The following PLXNA4 variants were observed in gnomAD, a reference collection of about 807,000 sequenced individuals.
PLXNA4 encodes the protein plexin-A4.
A neutral mutation model predicts 191.8 loss-of-function variants in PLXNA4; 44 were observed. The observed-to-expected ratio is 0.23, with a 90% confidence interval of 0.18 to 0.29. PLXNA4 has a LOEUF of 0.29. PLXNA4 is among the 10% of genes least tolerant of loss of function. PLXNA4 has a pLI of 1.00. For synonymous variants in PLXNA4, 1,082 were observed against 1,009.5 expected (o/e 1.07, Z -1.36); for missense variants, 1,800 against 2,488.8 (o/e 0.72, Z 5.89).
intron 21 of PLXNA4, among the ~76,000 whole-genome samples, chr7:132,172,620 C>T (rs574336761): frequency 6.6e-6 from 1 of 152,274 alleles, no homozygotes; most frequent in South Asian, 2.1e-4. Flanking sequence ...GATCCACACA[C>T]AATCCCTCGA....
rs11448338 is a variant in PLXNA4 at position 132,482,695 on chromosome 7, CT to C, written c.1371+6596del. ...GAGTGAGTGTGGGAGCTTCGAGAAACTTTTTTTTTTTTTTTGAGATGGAGTC... is the reference window on the plus strand; with the variant it reads ...GAGTGAGTGTGGGAGCTTCGAGAAACTTTTTTTTTTTTTTGAGATGGAGTC... On this transcript the variant is annotated intron_variant, in intron 3 of 31. Transcript: ENST00000321063. 1.3e-4 allele frequency among the ~76,000 whole-genome samples: 19 copies of C among 141,176 alleles called. 1 individual carries two copies. Among genetic ancestry groups the C allele is most frequent in the South Asian group, 4.6e-4 (2 of 4,366 alleles). 92.6% of individuals were successfully genotyped at this position (141,176 alleles called of 152,430 possible).
At chr7:132,290,492 T>A (rs1037432139) in intron 4 of PLXNA4, among the ~76,000 whole-genome samples, 2 of 152,214 alleles carry the variant, frequency 1.3e-5, no homozygotes, top group African/African-American at 4.8e-5. Flanking sequence ...CTCCTTCCCA[T>A]TGGCTTGGCA....
intron 3 of PLXNA4, among the ~76,000 whole-genome samples, chr7:132,351,786 G>T (rs890298900): frequency 6.6e-6 from 1 of 152,142 alleles, no homozygotes; most frequent in Non-Finnish European, 1.5e-5. Context: ...GAAGCAATGT[G>T]GGGGAAGATG....
intron 2 of PLXNA4, among the ~76,000 whole-genome samples, chr7:132,505,409 C>T (rs1798424946): frequency 6.6e-6 from 1 of 152,186 alleles, no homozygotes; most frequent in Admixed American, 6.5e-5. Flanking sequence ...CCCAAAAAGT[C>T]AGGGTTTTAA....
chr7:132,338,335 C>T (rs1802897061), intron 3 of PLXNA4, among the ~76,000 whole-genome samples: 1 of 152,178 alleles, frequency 6.6e-6, no homozygotes, highest in South Asian at 2.1e-4. Context: ...TGTCAGTGAG[C>T]TCCCCCAAAC....
intron 2 of PLXNA4, among the ~76,000 whole-genome samples, chr7:132,628,770 C>T (rs886375606): frequency 6.6e-6 from 1 of 152,120 alleles, no homozygotes; most frequent in South Asian, 2.1e-4. Context: ...CTCTGAAACT[C>T]CTTGTTTTAC....
chr7:132,616,215 G>A (rs1021196183), intron 2 of PLXNA4, among the ~76,000 whole-genome samples: 3 of 152,110 alleles, frequency 2.0e-5, no homozygotes, highest in Non-Finnish European at 4.4e-5. Context: ...TAAAAAGCAC[G>A]TTGCCTCTTC....
At chr7:132,496,874 C>T (rs550600032) in intron 2 of PLXNA4, among the ~76,000 whole-genome samples, 8 of 152,116 alleles carry the variant, frequency 5.3e-5, no homozygotes, top group Non-Finnish European at 7.4e-5. Context: ...TGGAAGCAAC[C>T]AACTCTCCCC....
intron 2 of PLXNA4, among the ~76,000 whole-genome samples, chr7:132,608,636 C>T (rs946374908): frequency 5.3e-5 from 8 of 152,144 alleles, no homozygotes; most frequent in Non-Finnish European, 1.5e-5. Flanking sequence ...CTCATGGAGA[C>T]TTCAATCCGT....
At chr7:132,148,969 T>C (rs1301846590) in intron 25 of PLXNA4, among the ~76,000 whole-genome samples, 1 of 152,116 alleles carries the variant, frequency 6.6e-6, no homozygotes, top group Non-Finnish European at 1.5e-5. Context: ...AAGAGGCACA[T>C]AATAAAACAC....
At chr7:132,483,128 C>T (rs1797405434) in intron 3 of PLXNA4, among the ~76,000 whole-genome samples, 1 of 152,226 alleles carries the variant, frequency 6.6e-6, no homozygotes, top group African/African-American at 2.4e-5. Context: ...CAAGTATGGA[C>T]TTTCAGCAGA....
intron 5 of PLXNA4, among the ~76,000 whole-genome samples, chr7:132,234,596 T>TTGTGTGTGTGTGTGTGTGTGTGTGTG (rs60249306): frequency 6.9e-6 from 1 of 144,158 alleles, no homozygotes; most frequent in East Asian, 2.1e-4. Flanking sequence ...AGCATGTGTT[T>TTGTGTGTGTGTGTGTGTGTGTGTGTG]TGTGTGTGTG....
At chr7:132,242,256 G>A (rs1798906265) in intron 4 of PLXNA4, among the ~76,000 whole-genome samples, 1 of 151,124 alleles carries the variant, frequency 6.6e-6, no homozygotes, top group Non-Finnish European at 1.5e-5. Context: ...AGAATTTGAT[G>A]TGGCCATCCT....
chr7:132,489,348 C>T lies in PLXNA4; in HGVS notation c.1315G>A (p.Val439Ile). The T allele has an allele frequency of 6.2e-7, 1 of 1,604,332 alleles. No individual in the cohort carries two copies. The highest frequency in any genetic ancestry group is 8.5e-7 in the Non-Finnish European group (1 of 1,171,726). Reference sequence around the variant, plus strand: ...AAGGCCAGAGAGTGGTTCTTGTAGACATATGCGATGACAGACGTCATGCGG... The same window carrying T: ...AAGGCCAGAGAGTGGTTCTTGTAGATATATGCGATGACAGACGTCATGCGG... ...RDRMTSVIAY[V>I]YKNHSLAFVG... The change falls in exon 3 of 32, where the codon GTC becomes ATC. Residue 439 changes from valine (V) to isoleucine (I), a missense_variant. By Grantham distance (29) the Val-to-Ile change is conservative (BLOSUM62 3). This residue lies in a region of PLXNA4 where 1,397 missense variants were observed against 1,880.4 expected (regional missense o/e 0.74). Coordinates refer to ENST00000321063, the MANE Select transcript of PLXNA4 (RefSeq NM_020911.2).
chr7:132,470,117 A>C (rs1002691274), intron 3 of PLXNA4, among the ~76,000 whole-genome samples: 4 of 152,328 alleles, frequency 2.6e-5, no homozygotes, highest in Middle Eastern at 6.8e-3. Flanking sequence ...CTCTTCCAAA[A>C]CCAAGGGGAA....
intron 4 of PLXNA4, among the ~76,000 whole-genome samples, chr7:132,241,524 C>T (rs973779546): frequency 6.6e-6 from 1 of 152,192 alleles, no homozygotes; most frequent in Non-Finnish European, 1.5e-5. Context: ...GTATTTGTTT[C>T]CTATCAATGT....
Position 132,202,791 on chromosome 7 carries a change from C to A in PLXNA4, c.2441G>T (p.Cys814Phe). The A allele has an allele frequency of 6.2e-7, 1 of 1,609,806 alleles. No individual in the cohort carries two copies. The highest frequency in any genetic ancestry group is 8.5e-7 in the Non-Finnish European group (1 of 1,177,944). The stretch of plus-strand genomic sequence containing the variant: ...TGCGAAGTCTGGGTCAGCCTTGAGG[C>A]ACAGCCCGCAGCTCTCACGCATGGC... ...CGAMRESCGL[C>F]LKADPDFACG... Residue 814 changes from cysteine to phenylalanine, a missense_variant, in exon 12 of 32, where the codon TGC becomes TTC. Cys to Phe is a radical substitution (Grantham distance 205). Around this residue, in one of 6 missense-constraint regions of PLXNA4, gnomAD observed 1,397 missense variants for 1,880.4 expected, o/e 0.74. Coordinates refer to ENST00000321063, the MANE Select transcript of PLXNA4 (RefSeq NM_020911.2).
At chr7:132,182,548 G>A (rs191256417) in intron 16 of PLXNA4, among the ~76,000 whole-genome samples, 5 of 152,154 alleles carry the variant, frequency 3.3e-5, no homozygotes, top group Admixed American at 6.5e-5. Context: ...CCTTCCCCTG[G>A]TCCTCACCAA....
At chr7:132,171,406 C>A (rs542762915) in intron 21 of PLXNA4, among the ~76,000 whole-genome samples, 3 of 152,332 alleles carry the variant, frequency 2.0e-5, no homozygotes, top group Admixed American at 1.3e-4. Context: ...CCCCATCTTT[C>A]ACCATATCTA....
Sources: gnomAD v4.1 joint callset for allele counts (sites outside exome capture counted in the v4.1 genomes callset) on GRCh38, gnomAD v4.1.1 for gene constraint, gnomAD v4.1.1 regional missense constraint, MANE v1.5 for transcripts, NCBI Gene and HGNC (gene_info 2026-07-23, HGNC 2026-07-21) for gene names.